CNTN5: variants seen among roughly 807,000 people sequenced by gnomAD.
CNTN5 encodes contactin 5, also known as contactin-5.
CNTN5 carries 77 observed loss-of-function variants against 129.1 expected under a neutral mutation model. The ratio of observed to expected loss-of-function variants is 0.60; its 90% CI spans 0.50 to 0.72. The LOEUF (loss-of-function observed/expected upper bound fraction) is 0.72. CNTN5 is among the 30% of genes least tolerant of loss of function. CNTN5 has a pLI of 0.00. For synonymous variants in CNTN5, 509 were observed against 465.6 expected (o/e 1.09, Z -1.20); for missense variants, 1,478 against 1,328.8 (o/e 1.11, Z -1.75).
intron 1 of CNTN5, among the ~76,000 whole-genome samples, chr11:99,083,954 T>C (rs1865903381): frequency 6.6e-6 from 1 of 152,148 alleles, no homozygotes; most frequent in Admixed American, 6.5e-5. Context: ...TTATTAAGAG[T>C]TTATCACATT....
intron 1 of CNTN5, among the ~76,000 whole-genome samples, chr11:99,269,703 T>C (rs1420196968): frequency 2.0e-5 from 3 of 147,472 alleles, no homozygotes; most frequent in African/African-American, 8.1e-5. Flanking sequence ...GAAATATAAA[T>C]GTACTATAAG....
intron 13 of CNTN5, among the ~76,000 whole-genome samples, chr11:100,140,380 G>A (rs1946657101): frequency 2.0e-5 from 3 of 152,126 alleles, no homozygotes; most frequent in Admixed American, 6.6e-5. Context: ...AAGTAAAAGA[G>A]GCAAGAACAT....
intron 8 of CNTN5, among the ~76,000 whole-genome samples, chr11:99,960,099 T>G (rs61910569): frequency 0.032 from 4,824 of 152,306 alleles, 90 homozygotes; most frequent in Non-Finnish European, 0.049. Context: ...CATAAAATGC[T>G]AGAAAATATC....
At chr11:99,200,799 T>C (rs184901484) in intron 1 of CNTN5, among the ~76,000 whole-genome samples, 79 of 152,232 alleles carry the variant, frequency 5.2e-4, no homozygotes, top group African/African-American at 1.7e-3. Context: ...CCAAACAGAA[T>C]TGAACCCCAG....
chr11:100,145,646 A>G (rs1946827179), intron 13 of CNTN5, among the ~76,000 whole-genome samples: 1 of 152,128 alleles, frequency 6.6e-6, no homozygotes, highest in African/African-American at 2.4e-5. Context: ...CTGAGCCATT[A>G]CTATCATCTT....
intron 2 of CNTN5, among the ~76,000 whole-genome samples, chr11:99,551,288 A>G (rs1948472249): frequency 6.6e-6 from 1 of 152,196 alleles, no homozygotes; most frequent in Non-Finnish European, 1.5e-5. Context: ...GATGGCAAAC[A>G]TTTAAGGCAT....
intron 8 of CNTN5, among the ~76,000 whole-genome samples, chr11:99,960,927 G>C (rs1485610545): frequency 3.3e-5 from 5 of 152,102 alleles, no homozygotes; most frequent in African/African-American, 1.2e-4. Flanking sequence ...AACAGGCCAG[G>C]CACCGTGGCT....
At chr11:99,926,977 A>T (rs1950076866) in intron 7 of CNTN5, among the ~76,000 whole-genome samples, 1 of 152,174 alleles carries the variant, frequency 6.6e-6, no homozygotes, top group Non-Finnish European at 1.5e-5. Flanking sequence ...GGCAAGATGG[A>T]AATACATAGA....
intron 15 of CNTN5, among the ~76,000 whole-genome samples, chr11:100,198,362 T>C (rs1948697896): frequency 6.6e-6 from 1 of 151,920 alleles, no homozygotes; most frequent in Non-Finnish European, 1.5e-5. Flanking sequence ...ATTGAACACC[T>C]ATGTGCCAAG....
intron 1 of CNTN5, among the ~76,000 whole-genome samples, chr11:99,242,586 C>T (rs1312990018): frequency 1.3e-5 from 2 of 152,040 alleles, no homozygotes; most frequent in East Asian, 3.9e-4. Context: ...TTCTGTCACA[C>T]AGGTACTAAG....
At chr11:99,784,086 A>T (rs991123544) in intron 3 of CNTN5, among the ~76,000 whole-genome samples, 9 of 152,276 alleles carry the variant, frequency 5.9e-5, no homozygotes, top group Middle Eastern at 3.4e-3. Flanking sequence ...TATTTTGCAG[A>T]TGATTTCAGA....
intron 1 of CNTN5, among the ~76,000 whole-genome samples, chr11:99,322,071 G>T (rs1565489758): frequency 6.6e-6 from 1 of 152,236 alleles, no homozygotes; most frequent in East Asian, 1.9e-4. Context: ...GTCCCCAGTT[G>T]TATTAGTTTT....
At chr11:99,288,018 G>T (rs562096773) in intron 1 of CNTN5, among the ~76,000 whole-genome samples, 1 of 152,016 alleles carries the variant, frequency 6.6e-6, no homozygotes, top group South Asian at 2.1e-4. Context: ...ACTTTGGTAT[G>T]TTCAGTGTTT....
At chr11:100,314,506 T>C (rs1951539768) in intron 21 of CNTN5, among the ~76,000 whole-genome samples, 1 of 152,142 alleles carries the variant, frequency 6.6e-6, no homozygotes, top group South Asian at 2.1e-4. Flanking sequence ...TGTTCCACTT[T>C]GAAATTGATG....
chr11:99,738,615 A>AAGTGTG (rs201365714), intron 3 of CNTN5, among the ~76,000 whole-genome samples: 1,686 of 113,522 alleles, frequency 0.015, 29 homozygotes, highest in African/African-American at 0.048. Flanking sequence ...TAAGACAGTA[A>AAGTGTG]CGTGTGTGTG....
intron 15 of CNTN5, among the ~76,000 whole-genome samples, chr11:100,210,172 TAC>T (rs201378635): frequency 0.027 from 1,619 of 59,386 alleles, 17 homozygotes; most frequent in Non-Finnish European, 0.039. Context: ...CCTGCCTCTA[TAC>T]AAAAAAAAAA....
At chr11:99,508,686 C>CTTTCTTTTTTTTTTTTTTTT (rs11281160) in intron 2 of CNTN5, among the ~76,000 whole-genome samples, 6 of 146,854 alleles carry the variant, frequency 4.1e-5, no homozygotes, top group African/African-American at 1.3e-4. Context: ...TCTTTTCTTT[C>CTTTCTTTTTTTTTTTTTTTT]TTTTTTTTTT....
At chr11:99,825,279 T>C (rs1419679339) in intron 4 of CNTN5, among the ~76,000 whole-genome samples, 2 of 152,104 alleles carry the variant, frequency 1.3e-5, no homozygotes, top group South Asian at 4.1e-4. Context: ...TCCTCTCTCT[T>C]GTATTTTTTT....
At chr11:99,839,399 A>G (rs1479867018) in intron 4 of CNTN5, among the ~76,000 whole-genome samples, 1 of 152,098 alleles carries the variant, frequency 6.6e-6, no homozygotes, top group African/African-American at 2.4e-5. Flanking sequence ...AAGAACTACT[A>G]TGACAAGCGT....
Sources: allele counts gnomAD v4.1 joint callset (sites outside exome capture counted in the v4.1 genomes callset), GRCh38; gene constraint gnomAD v4.1.1; transcripts MANE v1.5; gene names NCBI Gene and HGNC (gene_info 2026-07-23, HGNC 2026-07-21).